Variants in RAD17 observed in about 807,000 individuals in gnomAD.
RAD17 encodes the protein cell cycle checkpoint protein RAD17.
Under a neutral mutation model 81.5 loss-of-function variants are expected in RAD17, and 31 were observed. The observed-to-expected ratio is 0.38, with a 90% confidence interval of 0.29 to 0.51. The LOEUF (loss-of-function observed/expected upper bound fraction) is 0.51. RAD17 is among the 20% of genes least tolerant of loss of function. The pLI is 0.88. For missense variants in RAD17, 681 were observed against 781.2 expected (o/e 0.87, Z 1.53); for synonymous variants, 261 against 266.2 (o/e 0.98, Z 0.19).
intron 16 of RAD17, among the ~76,000 whole-genome samples, chr5:69,397,191 G>C (rs2150848547): frequency 6.6e-6 from 1 of 151,740 alleles, no homozygotes; most frequent in East Asian, 1.9e-4. Context: ...GCCTAGGCTG[G>C]AGTGCAGTGG....
intron 7 of RAD17, among the ~76,000 whole-genome samples, chr5:69,383,041 C>T (rs1220779012): frequency 6.6e-6 from 1 of 152,118 alleles, no homozygotes; most frequent in Non-Finnish European, 1.5e-5. Flanking sequence ...GCCTCTGCCT[C>T]CCAAAGTGCT....
chr5:69,392,776 G>A lies in RAD17; in HGVS notation c.1190-379G>A, dbSNP rs529321797. The stretch of plus-strand genomic sequence containing the variant: ...TTTATCGTCTCTTGCATTAGTGAAT[G>A]GAATTCGTATTCTTTCATGTAGAGA... On this transcript the variant is annotated intron_variant, in intron 13 of 18. Transcript: ENST00000354868. The A allele has an allele frequency of 7.1e-4, 318 of 447,768 alleles. 3 individuals carry two copies. The highest frequency in any genetic ancestry group is 5.1e-3 in the South Asian group (315 of 62,072). The allele number at this position is 447,768 out of a possible 1,614,324, so 27.7% of individuals were successfully genotyped here.
At chr5:69,370,877 T>G (rs1762926689) in intron 1 of RAD17, 158 bp from the exon 2 acceptor site, 1 of 235,448 alleles carries the variant, frequency 4.2e-6, no homozygotes. Flanking sequence ...TAAACTTTTC[T>G]TCTGGCTAAC....
At chr5:69,408,189 T>C (rs936382065) in intron 17 of RAD17, among the ~76,000 whole-genome samples, 1 of 151,858 alleles carries the variant, frequency 6.6e-6, no homozygotes, top group Admixed American at 6.6e-5. Flanking sequence ...TTTACAGTCA[T>C]AATTTTTTGT....
chr5:69,406,746 A>G (rs946879447), intron 17 of RAD17, among the ~76,000 whole-genome samples: 9 of 151,982 alleles, frequency 5.9e-5, no homozygotes, highest in East Asian at 1.9e-4. Flanking sequence ...GGTTCAAGCA[A>G]TCCTCCCACC....
At chr5:69,404,769 C>CAA (rs35403077) in intron 17 of RAD17, among the ~76,000 whole-genome samples, 28 of 142,822 alleles carry the variant, frequency 2.0e-4, no homozygotes, top group Non-Finnish European at 3.8e-4. Flanking sequence ...AATTCTGTTT[C>CAA]AAAAAAAAAA....
chr5:69,377,196 T>C (rs962480070), intron 6 of RAD17, among the ~76,000 whole-genome samples: 1 of 151,974 alleles, frequency 6.6e-6, no homozygotes, highest in Non-Finnish European at 1.5e-5. Context: ...ATCTCGTCTC[T>C]TGTCTCCGAA....
chr5:69,371,312 G>C (rs1191835593), intron 2 of RAD17, 141 bp downstream of exon 2: 1 of 463,650 alleles, frequency 2.2e-6, no homozygotes, highest in African/African-American at 2.1e-5. Context: ...TTGATTTCTT[G>C]TATCACTTAA....
intron 6 of RAD17, among the ~76,000 whole-genome samples, chr5:69,377,695 A>G (rs1371436483): frequency 9.8e-6 from 1 of 102,200 alleles, no homozygotes; most frequent in East Asian, 2.9e-4. Flanking sequence ...ATATATGTAT[A>G]CATATATATA....
chr5:69,413,669 GGA>G (rs1766173600), intron 18 of RAD17, among the ~76,000 whole-genome samples: 1 of 151,994 alleles, frequency 6.6e-6, no homozygotes, highest in Non-Finnish European at 1.5e-5. Flanking sequence ...TGAGTAGCTG[GGA>G]TTACAGATGC....
chr5:69,384,783 G>A lies in RAD17; in HGVS notation c.509-14G>A. On this transcript the variant is annotated splice_polypyrimidine_tract_variant and intron_variant, in intron 7 of 18. Transcript: ENST00000354868. ...ATTTGTTGAAAATAAAAGTGGTTAT[G>A]TGTTTCCTTTCAGAATCAAGCTTCC... is the stretch of plus-strand genomic sequence containing the variant. 2.5e-6 allele frequency: 4 copies of A among 1,594,908 alleles called. No individual in the cohort carries two copies. Among genetic ancestry groups the A allele is most frequent in the Non-Finnish European group, 3.4e-6 (4 of 1,170,358 alleles).
intron 17 of RAD17, among the ~76,000 whole-genome samples, chr5:69,404,443 G>A (rs1372142490): frequency 3.3e-5 from 5 of 152,114 alleles, no homozygotes; most frequent in Admixed American, 3.3e-4. Flanking sequence ...TCCAGCCTGG[G>A]CAACATGGTG....
intron 17 of RAD17, among the ~76,000 whole-genome samples, chr5:69,408,098 T>G (rs1765742524): frequency 6.6e-6 from 1 of 152,244 alleles, no homozygotes; most frequent in African/African-American, 2.4e-5. Context: ...CTTTTTCTGT[T>G]AAATTTAATG....
rs141495019 is a variant in RAD17, at chr5:69,413,574, G to A, written c.1752-457G>A. 9.2e-4 allele frequency among the ~76,000 whole-genome samples: 140 copies of A among 152,252 alleles called. 1 individual carries two copies. Among genetic ancestry groups the A allele is most frequent in the Non-Finnish European group, 1.7e-3 (115 of 68,008 alleles). On this transcript the variant is annotated intron_variant, in intron 18 of 18. Transcript: ENST00000354868. ...TTTGGAGACAGAGTCTTGCTCTGTC[G>A]TACAGGCTGGAGTTCAGTGGCACGA...
At chr5:69,376,931 T>C (rs1763370311) in intron 6 of RAD17, among the ~76,000 whole-genome samples, 1 of 152,138 alleles carries the variant, frequency 6.6e-6, no homozygotes, top group African/African-American at 2.4e-5. Context: ...TTTTTGTATT[T>C]TTAATAGAGA....
At chr5:69,408,006 A>G (rs1321576501) in intron 17 of RAD17, among the ~76,000 whole-genome samples, 1 of 152,128 alleles carries the variant, frequency 6.6e-6, no homozygotes, top group African/African-American at 2.4e-5. Context: ...TTCATGAGAC[A>G]TTGTCATTAC....
intron 17 of RAD17, among the ~76,000 whole-genome samples, chr5:69,408,265 G>A (rs980862384): frequency 6.6e-6 from 1 of 151,548 alleles, no homozygotes; most frequent in East Asian, 1.9e-4. Flanking sequence ...TCCTCCTCTG[G>A]GGCTTGTTTT....
intron 18 of RAD17, 149 bp from the exon 19 acceptor site, chr5:69,413,882 C>T: frequency 2.1e-6 from 2 of 948,726 alleles, no homozygotes; most frequent in South Asian, 1.7e-5. Context: ...TGTCATTTAC[C>T]TTGTAGTTTT....
intron 17 of RAD17, among the ~76,000 whole-genome samples, chr5:69,405,373 A>C (rs1765531016): frequency 6.6e-6 from 1 of 151,976 alleles, no homozygotes; most frequent in Non-Finnish European, 1.5e-5. Flanking sequence ...AACACCAAAA[A>C]AACTAAAAAT....
Sources: gnomAD v4.1 joint callset for allele counts (sites outside exome capture counted in the v4.1 genomes callset) on GRCh38, gnomAD v4.1.1 for gene constraint, MANE v1.5 for transcripts, NCBI Gene and HGNC (gene_info 2026-07-23, HGNC 2026-07-21) for gene names.